Variants in COL6A3 observed in about 807,000 individuals in gnomAD.
The protein encoded by COL6A3 is collagen alpha-3(VI) chain.
In COL6A3, 137 loss-of-function variants were observed where a neutral mutation model predicts 274.1. The ratio of observed to expected loss-of-function variants is 0.50; its 90% CI spans 0.44 to 0.58. COL6A3 has a LOEUF of 0.58. Ranked by LOEUF, COL6A3 falls within the 20% of genes least tolerant of loss-of-function variation. COL6A3 has a pLI of 0.00. For missense variants in COL6A3, 3,950 were observed against 4,124.9 expected, an observed-to-expected ratio of 0.96 and a Z score of 1.16; for synonymous variants, 1,650 against 1,650.6, an observed-to-expected ratio of 1.00 and a Z score of 0.01.
Position 237,359,072 on chromosome 2 carries a change from G to A in COL6A3, c.6371C>T (p.Pro2124Leu). ...ATTCCCTTTCTCTCCAGAAGAACCA[G>A]GCAATCCTTTGTCTCCCTGCCAAAG... Reference protein sequence around the residue: ...LDGEDGDKGLPGSSGEKGNPG... With the variant: ...LDGEDGDKGLLGSSGEKGNPG... Residue 2124 changes from proline (P) to leucine (L), a missense_variant, in exon 20 of 44, where the codon CCT becomes CTT. Transcript: ENST00000295550. 5.0e-6 allele frequency: 8 copies of A among 1,614,108 alleles called. No individual in the cohort carries two copies. The highest frequency in any genetic ancestry group is 6.8e-6 in the Non-Finnish European group (8 of 1,179,964).
intron 40 of COL6A3, among the ~76,000 whole-genome samples, 165 bp from the exon 41 acceptor site, chr2:237,335,054 T>G (rs1354578569): frequency 6.6e-6 from 1 of 152,168 alleles, no homozygotes; most frequent in Non-Finnish European, 1.5e-5. Flanking sequence ...AAAACATTGC[T>G]CTTATAATCT....
chr2:237,374,193 G>A lies in COL6A3; in HGVS notation c.3679+219C>T, dbSNP rs918128180. ...ATGTCCCTTTTGGAGAATTTAATTT[G>A]CCCCAAAACATGAATCTTAGCATCT... On this transcript the variant is annotated intron_variant, in intron 8 of 43. Transcript: ENST00000295550. The surrounding 1 kb of genome is among the most constrained non-coding windows in gnomAD (Gnocchi z 4.8). Among the ~76,000 whole-genome samples, 9 of 152,274 alleles carry A rather than the reference G, an allele frequency of 5.9e-5. No homozygotes were observed. Among genetic ancestry groups the A allele is most frequent in the Admixed American group, 3.3e-4 (5 of 15,298 alleles).
At chr2:237,401,056 T>C (rs539704229) in intron 1 of COL6A3, among the ~76,000 whole-genome samples, 24 of 152,314 alleles carry the variant, frequency 1.6e-4, no homozygotes, top group African/African-American at 5.8e-4. Context: ...AATATGATGC[T>C]GACTTAAAGA....
intron 16 of COL6A3, 86 bp from the exon 17 acceptor site, chr2:237,360,245 G>T: frequency 7.8e-7 from 1 of 1,286,204 alleles, no homozygotes; most frequent in Non-Finnish European, 1.1e-6. Flanking sequence ...AAAGGGTACT[G>T]TGAACAGCAT....
intron 1 of COL6A3, among the ~76,000 whole-genome samples, chr2:237,403,840 A>G (rs923944469): frequency 1.4e-4 from 21 of 151,752 alleles, no homozygotes; most frequent in African/African-American, 5.1e-4. Context: ...CACAGCCCCA[A>G]CTTTGCCCCT....
Position 237,395,098 on chromosome 2 carries a change from T to C in COL6A3, c.198A>G (p.Val66=). 1 of 1,614,122 alleles carries C rather than the reference T, an allele frequency of 6.2e-7. No individual in the cohort carries two copies. Among genetic ancestry groups the C allele is most frequent in the Non-Finnish European group, 8.5e-7 (1 of 1,180,020 alleles). The change falls in exon 3 of 44, where the codon GTA becomes GTG. Residue 66 remains valine, a synonymous_variant. Transcript: ENST00000295550. Reference sequence around the variant, plus strand: ...CATTTTCTCCCACAGCTAAGGATTTTACAACATCATATAGAAACTCTCGAA... The same window carrying C: ...CATTTTCTCCCACAGCTAAGGATTTCACAACATCATATAGAAACTCTCGAA... ...QLVREFLYDV[V]KSLAVGENDF... is the part of the protein sequence containing the mutation.
intron 4 of COL6A3, among the ~76,000 whole-genome samples, chr2:237,382,546 A>G (rs1342668197): frequency 6.6e-6 from 1 of 152,256 alleles, no homozygotes; most frequent in Admixed American, 6.5e-5. Flanking sequence ...TGCAAGAACC[A>G]TGAACTCTGT....
At chr2:237,406,755 TA>T (rs1304908363) in intron 1 of COL6A3, among the ~76,000 whole-genome samples, 2 of 152,320 alleles carry the variant, frequency 1.3e-5, no homozygotes, top group Non-Finnish European at 2.9e-5. Flanking sequence ...GAGTGGAATT[TA>T]ATATGCTCTT....
At position 237,344,643 on chromosome 2, in the gene COL6A3, G is replaced by T. The variant is rs371066956; in HGVS notation, c.7375C>A (p.Arg2459=). 6.2e-7 allele frequency: 1 copy of T among 1,613,918 alleles called. No homozygotes were observed. The highest frequency in any genetic ancestry group is 8.5e-7 in the Non-Finnish European group (1 of 1,179,850). The change falls in exon 36 of 44, where the codon CGG becomes AGG. Residue 2459 remains arginine (R), a synonymous_variant. Transcript: ENST00000295550. The surrounding 1 kb of genome is among the most constrained non-coding windows in gnomAD (Gnocchi z 4.8). Reference sequence around the variant, plus strand: ...GACTTCCTCTTGGAGTCAGCAAACCGGATCTCCGTGGTCACCTCGTTGTTG... The same window carrying T: ...GACTTCCTCTTGGAGTCAGCAAACCTGATCTCCGTGGTCACCTCGTTGTTG... ...TYNNEVTTEI[R]FADSKRKSVL...
At chr2:237,410,669 T>C (rs1035136473) in intron 1 of COL6A3, among the ~76,000 whole-genome samples, 1 of 152,204 alleles carries the variant, frequency 6.6e-6, no homozygotes, top group Non-Finnish European at 1.5e-5. Context: ...ATTATATTTT[T>C]CAAAATTAAC....
rs1383393069 is a variant in COL6A3 at position 237,325,600 on chromosome 2, T to C, written c.9453A>G (p.Lys3151=). ...WYGGCGGNEN[K]FGSQKECEKV... is the part of the protein sequence containing the mutation. The stretch of plus-strand genomic sequence containing the variant: ...TTTCACATTCTTTCTGTGATCCAAA[T>C]TTGTTTTCGTTTCCACCACAACCTC... Residue 3151 remains lysine, a synonymous_variant, in exon 43 of 44, where the codon AAA becomes AAG. Transcript: ENST00000295550. 6.2e-7 allele frequency: 1 copy of C among 1,614,112 alleles called. No individual in the cohort carries two copies. The highest frequency in any genetic ancestry group is 1.3e-5 in the African/African-American group (1 of 74,938).
chr2:237,401,644 C>T (rs2078592237), intron 1 of COL6A3, among the ~76,000 whole-genome samples: 1 of 152,030 alleles, frequency 6.6e-6, no homozygotes, highest in African/African-American at 2.4e-5. Flanking sequence ...GCTATTCCTA[C>T]AGTTCTCCTA....
chr2:237,353,526 A>T (rs1436694949), intron 24 of COL6A3, 123 bp from the exon 25 acceptor site: 27 of 796,004 alleles, frequency 3.4e-5, no homozygotes, highest in Middle Eastern at 2.6e-4. Context: ...CAGCTCTTCC[A>T]GAGGTAACAG....
intron 27 of COL6A3, 76 bp from the exon 28 acceptor site, chr2:237,350,285 T>A (rs1309152028): frequency 7.1e-7 from 1 of 1,407,460 alleles, no homozygotes; most frequent in African/African-American, 1.4e-5. Flanking sequence ...ATGCTTTTGC[T>A]CTAGGTAAGG....
chr2:237,344,482 A>G lies in COL6A3; in HGVS notation c.7536T>C (p.Ala2512=). Residue 2512 remains alanine, a synonymous_variant, in exon 36 of 44, where the codon GCT becomes GCC. Transcript: ENST00000295550. The surrounding 1 kb of genome is among the most constrained non-coding windows in gnomAD (Gnocchi z 4.8). The stretch of plus-strand genomic sequence containing the variant: ...TTGTGGGTGTGTTGCTGAAGAAAAC[A>G]GCCACTTTCCTCATTAGGAATCCGT... ...VRNGFLMRKV[A]VFFSNTPTRA... The G allele has an allele frequency of 6.2e-7, 1 of 1,614,210 alleles. No homozygotes were observed. Among genetic ancestry groups the G allele is most frequent in the Non-Finnish European group, 8.5e-7 (1 of 1,180,040 alleles).
Position 237,346,514 on chromosome 2 carries a change from G to A in COL6A3, c.7081C>T (p.Pro2361Ser), listed in dbSNP as rs934983963. 4 of 1,613,948 alleles carry A rather than the reference G, an allele frequency of 2.5e-6. No homozygotes were observed. The highest frequency in any genetic ancestry group is 3.4e-6 in the Non-Finnish European group (4 of 1,179,912). The change falls in exon 32 of 44, where the codon CCA (proline) becomes TCA (serine). Residue 2361 changes from proline to serine, a missense_variant. Physicochemically the swap from Pro to Ser is moderately conservative, Grantham distance 74 (BLOSUM62 -1). Coordinates refer to ENST00000295550, the MANE Select transcript of COL6A3 (RefSeq NM_004369.4). The part of the protein sequence containing the change: ...IVGQKGDPGY[P>S]GPAGPKGNRG... ...GGATAAATACTTACAGCTGGTCCTG[G>A]GTAGCCAGGGTCTCCCTTCTGTCCA...
At position 237,369,087 on chromosome 2, in the gene COL6A3, A is replaced by G; in HGVS notation, c.4376T>C (p.Val1459Ala). Reference sequence around the variant, plus strand: ...GTTGAGTCTTCGAACAATCCTGCTAACAAAATCTCGAATATGTGCAAAGCC... The same window carrying G: ...GTTGAGTCTTCGAACAATCCTGCTAGCAAAATCTCGAATATGTGCAAAGCC... Reference protein sequence around the residue: ...PDGFAHIRDFVSRIVRRLNIG... With the variant: ...PDGFAHIRDFASRIVRRLNIG... The change falls in exon 10 of 44, where the codon GTT becomes GCT. Residue 1459 changes from valine to alanine, a missense_variant. Val to Ala is a moderately conservative substitution (Grantham distance 64). Transcript: ENST00000295550. The G allele has an allele frequency of 6.2e-7, 1 of 1,614,262 alleles. No homozygotes were observed. The highest frequency in any genetic ancestry group is 8.5e-7 in the Non-Finnish European group (1 of 1,180,054).
chr2:237,372,361 C>T (rs767331458), intron 8 of COL6A3, 24 bp from the exon 9 acceptor site: 1 of 1,601,350 alleles, frequency 6.2e-7, no homozygotes, highest in South Asian at 1.1e-5. Context: ...GTGAGCATGG[C>T]TTCACCTTCA....
Position 237,357,860 on chromosome 2 carries a change from T to C in COL6A3, c.6494A>G (p.Gln2165Arg). 1 of 1,614,174 alleles carries C rather than the reference T, an allele frequency of 6.2e-7. No homozygotes were observed. Among genetic ancestry groups the C allele is most frequent in the Non-Finnish European group, 8.5e-7 (1 of 1,180,030 alleles). ...GDPGNPGQDS[Q>R]ERGPKGETGD... is the part of the protein sequence containing the mutation. ...GGTTTCTCCTTTGGGTCCTCTCTCCTGGCTGTCTTGTCCTGGGTTACCCTG... is the reference window on the plus strand; with the variant it reads ...GGTTTCTCCTTTGGGTCCTCTCTCCCGGCTGTCTTGTCCTGGGTTACCCTG... Residue 2165 changes from glutamine to arginine, a missense_variant, in exon 22 of 44, where the codon CAG (glutamine) becomes CGG (arginine). Gln to Arg is a conservative substitution (Grantham distance 43, BLOSUM62 1). Transcript: ENST00000295550.
Sources: allele counts gnomAD v4.1 joint callset (sites outside exome capture counted in the v4.1 genomes callset), GRCh38; gene constraint gnomAD v4.1.1; non-coding constraint Gnocchi (gnomAD v3.1); transcripts MANE v1.5; gene names NCBI Gene and HGNC (gene_info 2026-07-23, HGNC 2026-07-21).